OPRM1: variants seen among roughly 807,000 people sequenced by gnomAD.
The protein encoded by OPRM1 is mu-type opioid receptor.
OPRM1 carries 27 observed loss-of-function variants against 31.8 expected under a neutral mutation model. The observed-to-expected ratio is 0.85, with a 90% CI of 0.63 to 1.17. OPRM1 has a LOEUF of 1.17. Ranked by LOEUF, OPRM1 falls within the 50% of genes most tolerant of loss-of-function variation. OPRM1 has a pLI of 0.00. For synonymous variants in OPRM1, 196 were observed against 189.9 expected, an observed-to-expected ratio of 1.03 and a Z score of -0.26; for missense variants, 536 against 511.1, an observed-to-expected ratio of 1.05 and a Z score of -0.47.
At chr6:154,208,037 C>T (rs1353897245) in intron 3 of OPRM1, among the ~76,000 whole-genome samples, 4 of 152,158 alleles carry the variant, frequency 2.6e-5, no homozygotes, top group African/African-American at 9.7e-5. Flanking sequence ...TTTTCTGATT[C>T]TATGCCTACC....
At chr6:154,188,871 TAACGTTTATAA>T (rs1363561577) in intron 3 of OPRM1, among the ~76,000 whole-genome samples, 1 of 152,170 alleles carries the variant, frequency 6.6e-6, no homozygotes, top group Non-Finnish European at 1.5e-5. Context: ...CCAAGTGGAC[TAACGTTTATAA>T]AATATGGAAG....
chr6:154,182,144 T>C (rs1228249649), intron 3 of OPRM1, among the ~76,000 whole-genome samples: 1 of 152,236 alleles, frequency 6.6e-6, no homozygotes, highest in Non-Finnish European at 1.5e-5. Flanking sequence ...CACCCAAGTA[T>C]AAAGCTAATG....
At chr6:154,044,629 C>T (rs149688587) in intron 1 of OPRM1, among the ~76,000 whole-genome samples, 4 of 151,804 alleles carry the variant, frequency 2.6e-5, no homozygotes, top group African/African-American at 4.8e-5. Flanking sequence ...AAAAAAACCT[C>T]AGCTACTGCT....
intron 3 of OPRM1, among the ~76,000 whole-genome samples, chr6:154,144,418 A>AT (rs760694704): frequency 5.3e-5 from 8 of 152,348 alleles, no homozygotes; most frequent in African/African-American, 9.6e-5. Flanking sequence ...TTAACAAAAT[A>AT]TTAGCAAATA....
chr6:154,244,760 CA>C (rs1295024390), intron 3 of OPRM1, among the ~76,000 whole-genome samples: 2 of 152,206 alleles, frequency 1.3e-5, no homozygotes, highest in Non-Finnish European at 1.5e-5. Flanking sequence ...TCTATGAAGA[CA>C]GGGACAGCAG....
chr6:154,051,318 C>T (rs1782150143), intron 1 of OPRM1, among the ~76,000 whole-genome samples: 1 of 152,172 alleles, frequency 6.6e-6, no homozygotes. Context: ...TTAGCCTGCT[C>T]CCTCCAAACT....
In OPRM1 at chr6:154,067,428, TTAATTTTCACAAACC is replaced by T. The variant is rs1207740305; in HGVS notation, c.291-22396_291-22382del. On this transcript the variant is annotated intron_variant, in intron 1 of 3. Transcript: ENST00000330432. ...AACCATTGTTTATTTAAGAGTGTTC[TTAATTTTCACAAACC>T]TGTGAATTTTCCAGTTTTCTTTATG... Among the ~76,000 whole-genome samples the T allele has an allele frequency of 1.4e-4, 22 of 152,028 alleles. No individual in the cohort carries two copies. In the South Asian group the frequency reaches 4.4e-3, roughly 30 times the overall value.
At chr6:154,091,952 C>T (rs1231290625) in intron 3 of OPRM1, 1 of 985,874 alleles carries the variant, frequency 1.0e-6, no homozygotes, top group Non-Finnish European at 1.2e-6. Context: ...AGAAAATTAG[C>T]ATCATGGAAA....
chr6:154,128,312 T>C lies in OPRM1; in HGVS notation c.*9591T>C, dbSNP rs1445050967. 6.6e-6 allele frequency among the ~76,000 whole-genome samples: 1 copy of C among 152,216 alleles called. No homozygotes were observed. Among genetic ancestry groups the C allele is most frequent in the South Asian group, 2.1e-4 (1 of 4,836 alleles). ...GTGGAGTTAATTCTGACTACGGGAT[T>C]CCTTTTTCACTTTTATAATGAACTC... On this transcript the variant is annotated 3_prime_UTR_variant, in exon 4 of 4. Coordinates refer to ENST00000330432, the MANE Select transcript of OPRM1 (RefSeq NM_000914.5).
chr6:154,139,837 T>G (rs1376677541), intron 3 of OPRM1, among the ~76,000 whole-genome samples: 2 of 152,112 alleles, frequency 1.3e-5, no homozygotes, highest in Admixed American at 1.3e-4. Context: ...CTCCACGGTA[T>G]ATGAAATGGA....
intron 3 of OPRM1, among the ~76,000 whole-genome samples, chr6:154,137,631 C>T (rs1753624218): frequency 6.6e-6 from 1 of 152,094 alleles, no homozygotes; most frequent in South Asian, 2.1e-4. Context: ...AATTATCTTA[C>T]AAATCAAAAT....
chr6:154,068,844 A>G (rs4357147), intron 1 of OPRM1, among the ~76,000 whole-genome samples: 2,013 of 152,176 alleles, frequency 0.013, 50 homozygotes, highest in African/African-American at 0.047. Flanking sequence ...GAGGATTTCC[A>G]TTTCTCTCCA....
chr6:154,062,121 A>G (rs1404932742), intron 1 of OPRM1, among the ~76,000 whole-genome samples: 3 of 152,160 alleles, frequency 2.0e-5, no homozygotes, highest in African/African-American at 7.2e-5. Context: ...TAGTTTTTAT[A>G]TAGTTCAGTG....
At chr6:154,142,704 C>G (rs1798251242) in intron 3 of OPRM1, among the ~76,000 whole-genome samples, 1 of 152,218 alleles carries the variant, frequency 6.6e-6, no homozygotes, top group Non-Finnish European at 1.5e-5. Context: ...AACCCTTACT[C>G]CTGCTCTGAA....
At chr6:154,165,854 T>C (rs977046256) in intron 3 of OPRM1, among the ~76,000 whole-genome samples, 33 of 152,256 alleles carry the variant, frequency 2.2e-4, no homozygotes, top group African/African-American at 6.0e-4. Flanking sequence ...AGTTGTGACC[T>C]GCCCTGTGGA....
chr6:154,079,924 A>G (rs1562437427), intron 1 of OPRM1, among the ~76,000 whole-genome samples: 1 of 152,210 alleles, frequency 6.6e-6, no homozygotes, highest in Non-Finnish European at 1.5e-5. Flanking sequence ...ATACCTCTGT[A>G]ATGCTTTCTT....
chr6:154,064,910 A>G (rs1267656871), intron 1 of OPRM1, among the ~76,000 whole-genome samples: 1 of 152,144 alleles, frequency 6.6e-6, no homozygotes, highest in Non-Finnish European at 1.5e-5. Flanking sequence ...TAAGTTTTGA[A>G]TTCAGGAAGT....
intron 1 of OPRM1, among the ~76,000 whole-genome samples, chr6:154,041,666 T>G (rs1780095652): frequency 6.6e-6 from 1 of 152,128 alleles, no homozygotes; most frequent in South Asian, 2.1e-4. Flanking sequence ...AATCATGATT[T>G]GAGTTAATTC....
intron 1 of OPRM1, among the ~76,000 whole-genome samples, chr6:154,051,097 T>C (rs902917669): frequency 1.3e-5 from 2 of 152,252 alleles, no homozygotes; most frequent in East Asian, 1.9e-4. Context: ...TGAAGTCTTA[T>C]GCTTTTTTCA....
Sources: allele counts gnomAD v4.1 joint callset (sites outside exome capture counted in the v4.1 genomes callset), GRCh38; gene constraint gnomAD v4.1.1; transcripts MANE v1.5; gene names NCBI Gene and HGNC (gene_info 2026-07-23, HGNC 2026-07-21).